RNLS: variants seen among roughly 807,000 people sequenced by gnomAD.
RNLS encodes the protein renalase, FAD dependent amine oxidase.
Under a neutral mutation model 39.8 loss-of-function variants are expected in RNLS, and 39 were observed. The ratio of observed to expected loss-of-function variants is 0.98; its 90% CI spans 0.76 to 1.28. The LOEUF is 1.28. Among genes scored for constraint, RNLS ranks in the 50% most tolerant of loss-of-function variants. The probability of loss-of-function intolerance (pLI) is 0.00; values close to 1 mark genes in which losing one functional copy is unlikely to be tolerated. For missense variants in RNLS, 410 were observed against 413.3 expected (o/e 0.99, Z 0.07); for synonymous variants, 147 against 150.7 (o/e 0.98, Z 0.18).
the RNLS span, among the ~76,000 whole-genome samples, chr10:88,215,462 G>A: frequency 1.3e-5 from 2 of 152,212 alleles, no homozygotes; most frequent in Non-Finnish European, 2.9e-5. Flanking sequence ...GACAGATTTA[G>A]TCTTCAGGTC....
chr10:88,494,310 G>A lies in RNLS; in HGVS notation c.526+78593C>T, dbSNP rs141026657. ...TTCCTTAATAATCAGCATATAAATG[G>A]AGTATTTGTTCACCTATCCTTTCAG... On this transcript the variant is annotated intron_variant, in intron 4 of 6. Transcript: ENST00000331772. Among the ~76,000 whole-genome samples, 591 of 152,162 alleles carry A rather than the reference G, an allele frequency of 3.9e-3. 3 individuals carry two copies. Among genetic ancestry groups the A allele is most frequent in the African/African-American group, 0.014 (563 of 41,548 alleles).
chr10:88,212,269 GA>G, the RNLS span, among the ~76,000 whole-genome samples: 1 of 152,172 alleles, frequency 6.6e-6, no homozygotes, highest in South Asian at 2.1e-4. Context: ...AAGATGAAGA[GA>G]AACCATGTTG....
chr10:88,548,118 T>G (rs994865062), intron 4 of RNLS, among the ~76,000 whole-genome samples: 1 of 150,420 alleles, frequency 6.6e-6, no homozygotes, highest in Non-Finnish European at 1.5e-5. Flanking sequence ...AAAAATTAGC[T>G]GGGCATGGTG....
At chr10:88,511,165 TG>T (rs1846103917) in intron 4 of RNLS, among the ~76,000 whole-genome samples, 1 of 152,092 alleles carries the variant, frequency 6.6e-6, no homozygotes, top group Non-Finnish European at 1.5e-5. Flanking sequence ...GGCCAACCGT[TG>T]TTAGGTTCCA....
the RNLS span, among the ~76,000 whole-genome samples, chr10:88,197,473 G>T: frequency 6.6e-6 from 1 of 152,114 alleles, no homozygotes; most frequent in African/African-American, 2.4e-5. Context: ...TCCTGTCATG[G>T]TAGGTGTCAA....
At chr10:88,448,099 C>T (rs1002631355) in intron 4 of RNLS, among the ~76,000 whole-genome samples, 1 of 152,148 alleles carries the variant, frequency 6.6e-6, no homozygotes, top group Non-Finnish European at 1.5e-5. Flanking sequence ...TAGGCATGGG[C>T]AAGGACTTCA....
chr10:88,490,717 A>G (rs538111517), intron 4 of RNLS, among the ~76,000 whole-genome samples: 1 of 152,294 alleles, frequency 6.6e-6, no homozygotes, highest in African/African-American at 2.4e-5. Flanking sequence ...GATTTTCAAA[A>G]TTTAAACCTT....
chr10:88,445,605 A>G (rs1362259984), intron 4 of RNLS, among the ~76,000 whole-genome samples: 2 of 152,224 alleles, frequency 1.3e-5, no homozygotes, highest in East Asian at 3.8e-4. Flanking sequence ...CTCAAAATAA[A>G]GGGATGGAGG....
chr10:88,538,053 A>T (rs1477033699), intron 4 of RNLS, among the ~76,000 whole-genome samples: 1 of 152,184 alleles, frequency 6.6e-6, no homozygotes, highest in Non-Finnish European at 1.5e-5. Context: ...AAATATAATT[A>T]ATGTTCAGAG....
At chr10:88,252,040 G>A in the RNLS span, among the ~76,000 whole-genome samples, 1 of 152,170 alleles carries the variant, frequency 6.6e-6, no homozygotes, top group Non-Finnish European at 1.5e-5. Context: ...TTCCTACTTG[G>A]TCTGGGAAGA....
intron 4 of RNLS, among the ~76,000 whole-genome samples, chr10:88,444,067 C>A (rs1422132240): frequency 6.6e-6 from 1 of 152,202 alleles, no homozygotes; most frequent in Non-Finnish European, 1.5e-5. Flanking sequence ...TGGGAGGCAC[C>A]CCCCAGTAGG....
chr10:88,415,345 A>G (rs1462987978), intron 4 of RNLS, among the ~76,000 whole-genome samples: 1 of 152,210 alleles, frequency 6.6e-6, no homozygotes, highest in African/African-American at 2.4e-5. Flanking sequence ...GGCATTCAAG[A>G]GTGCATTGAG....
At chr10:88,369,938 G>T (rs1850414654) in intron 4 of RNLS, among the ~76,000 whole-genome samples, 1 of 152,110 alleles carries the variant, frequency 6.6e-6, no homozygotes, top group Non-Finnish European at 1.5e-5. Flanking sequence ...CACCCGCCTT[G>T]GCCTCCCAAA....
chr10:88,240,375 A>G, the RNLS span, among the ~76,000 whole-genome samples: 1 of 150,378 alleles, frequency 6.6e-6, no homozygotes. Flanking sequence ...TCCTCTTGAT[A>G]TTAATTGAAA....
At chr10:88,247,694 A>G in the RNLS span, among the ~76,000 whole-genome samples, 1 of 152,244 alleles carries the variant, frequency 6.6e-6, no homozygotes, top group African/African-American at 2.4e-5. Context: ...AGAGCCTGTT[A>G]TGCTACCTGG....
At chr10:88,301,972 C>T (rs969064620) in intron 6 of RNLS, among the ~76,000 whole-genome samples, 1 of 152,182 alleles carries the variant, frequency 6.6e-6, no homozygotes, top group Non-Finnish European at 1.5e-5. Flanking sequence ...AGCACTGTCA[C>T]CTCATCTCCT....
intron 4 of RNLS, among the ~76,000 whole-genome samples, chr10:88,497,189 T>C (rs1428120005): frequency 6.6e-6 from 1 of 152,052 alleles, no homozygotes; most frequent in Non-Finnish European, 1.5e-5. Context: ...GTTGAAAATA[T>C]TATAGAAATA....
chr10:88,536,654 G>A (rs147307762), intron 4 of RNLS, among the ~76,000 whole-genome samples: 85 of 152,106 alleles, frequency 5.6e-4, no homozygotes, highest in African/African-American at 1.7e-3. Context: ...CACCACACAC[G>A]CTGTTATCTC....
chr10:88,292,417 T>G (rs1221547354), intron 6 of RNLS, among the ~76,000 whole-genome samples: 3 of 152,012 alleles, frequency 2.0e-5, no homozygotes, highest in Non-Finnish European at 4.4e-5. Flanking sequence ...TGTAGATTTT[T>G]AGTTTTTATT....
Sources: allele counts gnomAD v4.1 joint callset (sites outside exome capture counted in the v4.1 genomes callset), GRCh38; gene constraint gnomAD v4.1.1; transcripts MANE v1.5; gene names NCBI Gene and HGNC (gene_info 2026-07-23, HGNC 2026-07-21).